EIF4E3: variants seen among roughly 807,000 people sequenced by gnomAD.
The protein encoded by EIF4E3 is eukaryotic translation initiation factor 4E family member 3, also known as eukaryotic translation initiation factor 4E type 3.
EIF4E3 carries 26 observed loss-of-function variants against 31.7 expected under a neutral mutation model. The ratio of observed to expected loss-of-function variants is 0.82; its 90% CI spans 0.60 to 1.14. The LOEUF (loss-of-function observed/expected upper bound fraction) is 1.14, where lower values mean the gene tolerates loss of function less well. EIF4E3 is among the 50% of genes most tolerant of loss of function. The pLI is 0.00. For missense variants in EIF4E3, 304 were observed against 270.9 expected (o/e 1.12, Z -0.86); for synonymous variants, 128 against 107.7 (o/e 1.19, Z -1.17).
At chr3:71,659,574 G>A in the EIF4E3 span, among the ~76,000 whole-genome samples, 1 of 152,178 alleles carries the variant, frequency 6.6e-6, no homozygotes, top group African/African-American at 2.4e-5. Flanking sequence ...CTGAGGATAG[G>A]GGTGGAAGGA....
chr3:71,670,794 G>A (rs1039553611), downstream of EIF4E3, among the ~76,000 whole-genome samples: 12 of 152,230 alleles, frequency 7.9e-5, no homozygotes, highest in East Asian at 3.9e-4. Context: ...AAGAGCCTTC[G>A]CGTGCATTGT....
At chr3:71,731,840 G>T (rs893200086) in intron 1 of EIF4E3, among the ~76,000 whole-genome samples, 7 of 152,138 alleles carry the variant, frequency 4.6e-5, no homozygotes, top group Non-Finnish European at 1.0e-4. Context: ...CTTTGAAATT[G>T]TCCACACCTT....
rs2048967893 is a variant in EIF4E3 at position 71,684,692 on chromosome 3, C to A, written c.665G>T (p.Gly222Val). ...EEHHAFEGGRGKH is the reference protein window; with the variant it reads ...EEHHAFEGGRVKH The stretch of plus-strand genomic sequence containing the variant: ...CTTTACAGAGTGCAATTAGTGTTTT[C>A]CACGTCCACCTTCAAAAGCATGATG... The change falls in exon 7 of 7, where the codon GGA (glycine) becomes GTA (valine). Residue 222 changes from glycine (G) to valine (V), a missense_variant. Transcript: ENST00000425534. 1 of 1,613,894 alleles carries A rather than the reference C, an allele frequency of 6.2e-7. No homozygotes were observed. The highest frequency in any genetic ancestry group is 1.3e-5 in the African/African-American group (1 of 74,968).
chr3:71,732,702 A>G (rs2049719812), intron 1 of EIF4E3, among the ~76,000 whole-genome samples: 1 of 152,256 alleles, frequency 6.6e-6, no homozygotes, highest in African/African-American at 2.4e-5. Context: ...ACTGGACTGA[A>G]GGGGAGAGCC....
the EIF4E3 span, among the ~76,000 whole-genome samples, chr3:71,662,658 G>C: frequency 1.3e-5 from 2 of 152,108 alleles, no homozygotes; most frequent in African/African-American, 2.4e-5. Flanking sequence ...CAGCACATGG[G>C]GCTTGGGCTT....
intron 1 of EIF4E3, among the ~76,000 whole-genome samples, chr3:71,748,411 A>T (rs1301551008): frequency 6.6e-6 from 1 of 152,168 alleles, no homozygotes; most frequent in Non-Finnish European, 1.5e-5. Context: ...CATTGTCCAG[A>T]AGAACAAGGA....
chr3:71,708,359 G>C (rs1471691570), intron 2 of EIF4E3, among the ~76,000 whole-genome samples: 1 of 152,184 alleles, frequency 6.6e-6, no homozygotes, highest in Non-Finnish European at 1.5e-5. Context: ...TCTGGTGTAA[G>C]GGAAACTTTT....
chr3:71,736,683 A>G (rs904298852), intron 1 of EIF4E3, among the ~76,000 whole-genome samples: 10 of 152,208 alleles, frequency 6.6e-5, no homozygotes, highest in African/African-American at 2.2e-4. Flanking sequence ...CGGAGCAAAG[A>G]TTTTTATGAA....
rs2048968134 is a variant in EIF4E3, at chr3:71,684,700, A to C, written c.657T>G (p.Gly219=). 1 of 1,613,980 alleles carries C rather than the reference A, an allele frequency of 6.2e-7. No individual in the cohort carries two copies. Among genetic ancestry groups the C allele is most frequent in the Non-Finnish European group, 8.5e-7 (1 of 1,179,982 alleles). The stretch of plus-strand genomic sequence containing the variant: ...AGTGCAATTAGTGTTTTCCACGTCC[A>C]CCTTCAAAAGCATGATGCTCTTCAT... The part of the protein sequence containing the change: ...KPHEEHHAFE[G]GRGKH Residue 219 remains glycine (G), a synonymous_variant, in exon 7 of 7, where the codon GGT becomes GGG. Transcript: ENST00000425534.
chr3:71,690,694 C>A (rs1355121345), intron 5 of EIF4E3, among the ~76,000 whole-genome samples: 2 of 152,214 alleles, frequency 1.3e-5, no homozygotes, highest in South Asian at 4.1e-4. Flanking sequence ...GACTGCTCAT[C>A]TGCTTTCTGC....
chr3:71,732,111 G>A (rs565281074), intron 1 of EIF4E3, among the ~76,000 whole-genome samples: 58 of 152,280 alleles, frequency 3.8e-4, no homozygotes, highest in Admixed American at 3.6e-3. Flanking sequence ...TCCTAGCACG[G>A]TGTCTGGCAC....
At chr3:71,754,187 G>T, upstream of EIF4E3, 1 of 1,435,552 alleles carries the variant, frequency 7.0e-7, no homozygotes, top group Non-Finnish European at 9.2e-7. This position sits in a 1 kb window ranked among gnomAD's most constrained non-coding sequence, Gnocchi z 5.8. Flanking sequence ...TCGTGCGGGA[G>T]CGCAGCCTGC....
downstream of EIF4E3, among the ~76,000 whole-genome samples, chr3:71,674,115 T>C (rs9839354): frequency 0.057 from 7,315 of 129,000 alleles, 456 homozygotes; most frequent in East Asian, 0.36. Context: ...TTTTTTTTTT[T>C]TTTTTTTTTG....
chr3:71,668,675 C>T, the EIF4E3 span, among the ~76,000 whole-genome samples: 1 of 152,086 alleles, frequency 6.6e-6, no homozygotes, highest in Non-Finnish European at 1.5e-5. Context: ...TAGAGAAATG[C>T]AAATCAAAAC....
chr3:71,730,113 GGTGT>G (rs940256817), upstream of EIF4E3, among the ~76,000 whole-genome samples: 3 of 152,190 alleles, frequency 2.0e-5, no homozygotes, highest in African/African-American at 7.2e-5. Flanking sequence ...TTCCAGCAAA[GGTGT>G]GTTGCAGCTG....
At position 71,684,106 on chromosome 3, in the gene EIF4E3, T is replaced by C. The variant is rs962909596; in HGVS notation, c.*576A>G. On this transcript the variant is annotated 3_prime_UTR_variant, in exon 7 of 7. Coordinates refer to ENST00000425534, the MANE Select transcript of EIF4E3 (RefSeq NM_001134651.2). ...AAATTAAAGATTTGTGTGCTGTCAG[T>C]GCAAAATCACATTAAGTATGGTTTT... 5 of 152,614 alleles carry C rather than the reference T, an allele frequency of 3.3e-5. No individual in the cohort carries two copies. Among genetic ancestry groups the C allele is most frequent in the African/African-American group, 9.7e-5 (4 of 41,444 alleles). 9.5% of individuals were successfully genotyped at this position (152,614 alleles called of 1,614,324 possible). A position where few individuals can be genotyped will look rare whatever the true frequency, so the allele number is the denominator to read the frequency against.
intron 1 of EIF4E3, among the ~76,000 whole-genome samples, chr3:71,750,746 C>A (rs34586454): frequency 6.6e-6 from 1 of 150,562 alleles, no homozygotes; most frequent in Admixed American, 6.6e-5. Flanking sequence ...ATAGGGAGAC[C>A]CCATCTCTAC....
At position 71,710,397 on chromosome 3, in the gene EIF4E3, C is replaced by T. The variant is rs1226932388; in HGVS notation, c.249+15G>A. ...TGTGCCGTGTTAATCCAGTTAGTCC[C>T]TCTCTTGATCTTACCTGTACTGTCT... On this transcript the variant is annotated intron_variant, in intron 2 of 6. Transcript: ENST00000425534. 3.9e-6 allele frequency: 6 copies of T among 1,551,764 alleles called. No individual in the cohort carries two copies. The highest frequency in any genetic ancestry group is 1.2e-5 in the South Asian group (1 of 84,048).
intron 2 of EIF4E3, among the ~76,000 whole-genome samples, chr3:71,708,628 C>G: frequency 6.6e-6 from 1 of 152,086 alleles, no homozygotes; most frequent in Non-Finnish European, 1.5e-5. Context: ...TGACTAGTGT[C>G]AGCCCCAGAA....
Sources: gnomAD v4.1 joint callset for allele counts (sites outside exome capture counted in the v4.1 genomes callset) on GRCh38, gnomAD v4.1.1 for gene constraint, Gnocchi (gnomAD v3.1) non-coding constraint, MANE v1.5 for transcripts, NCBI Gene and HGNC (gene_info 2026-07-23, HGNC 2026-07-21) for gene names.